PRKCB: variants seen among roughly 807,000 people sequenced by gnomAD.
PRKCB encodes protein kinase C beta.
In PRKCB, 13 loss-of-function variants were observed where a neutral mutation model predicts 81.5. The ratio of observed to expected loss-of-function variants is 0.16; its 90% CI spans 0.10 to 0.25. The LOEUF is 0.25. PRKCB is among the 10% of genes least tolerant of loss of function. The pLI, the probability that PRKCB is intolerant of heterozygous loss-of-function variation, is 1.00. For synonymous variants in PRKCB, 335 were observed against 321.4 expected, an observed-to-expected ratio of 1.04 and a Z score of -0.45; for missense variants, 509 against 875.7, an observed-to-expected ratio of 0.58 and a Z score of 5.29.
chr16:23,887,496 G>A (rs1316658515), intron 2 of PRKCB, among the ~76,000 whole-genome samples: 3 of 152,170 alleles, frequency 2.0e-5, no homozygotes, highest in African/African-American at 7.2e-5. Flanking sequence ...ATGGCCTTCA[G>A]CTGCATCCAT....
intron 2 of PRKCB, among the ~76,000 whole-genome samples, chr16:23,911,720 C>T (rs1210012254): frequency 6.6e-6 from 1 of 152,048 alleles, no homozygotes; most frequent in Non-Finnish European, 1.5e-5. Context: ...TGCCTCTGTT[C>T]CCAGGAGCCT....
At chr16:23,915,674 A>T (rs1963725833) in intron 2 of PRKCB, among the ~76,000 whole-genome samples, 1 of 116,222 alleles carries the variant, frequency 8.6e-6, no homozygotes, top group African/African-American at 3.3e-5. Context: ...CCTGGGCAAG[A>T]GTGAGACTCT....
intron 2 of PRKCB, among the ~76,000 whole-genome samples, chr16:23,918,171 G>A (rs1963771077): frequency 1.3e-5 from 2 of 152,102 alleles, no homozygotes. Context: ...TTGGAGGGAT[G>A]GGAGGGAGCC....
chr16:23,853,592 G>A (rs1187031973), intron 2 of PRKCB, among the ~76,000 whole-genome samples: 1 of 152,162 alleles, frequency 6.6e-6, no homozygotes, highest in Non-Finnish European at 1.5e-5. Context: ...AATTTCCTTT[G>A]TCTTTCTTTG....
intron 9 of PRKCB, among the ~76,000 whole-genome samples, chr16:24,138,015 A>C (rs1217880894): frequency 6.6e-6 from 1 of 152,156 alleles, no homozygotes; most frequent in Non-Finnish European, 1.5e-5. Flanking sequence ...AATCTTCACC[A>C]TGGGTCTTGT....
At chr16:24,052,713 A>G (rs1476079770) in intron 5 of PRKCB, among the ~76,000 whole-genome samples, 1 of 152,208 alleles carries the variant, frequency 6.6e-6, no homozygotes, top group Non-Finnish European at 1.5e-5. Context: ...TTACTGTATA[A>G]TGAGCAGCAA....
intron 5 of PRKCB, among the ~76,000 whole-genome samples, chr16:24,049,087 C>CAGAT (rs1201565221): frequency 2.3e-5 from 2 of 88,184 alleles, no homozygotes; most frequent in African/African-American, 9.3e-5. Context: ...TGCAGAAAGA[C>CAGAT]AGATTTCACT....
At chr16:23,860,623 C>T (rs1293748210) in intron 2 of PRKCB, among the ~76,000 whole-genome samples, 1 of 151,994 alleles carries the variant, frequency 6.6e-6, no homozygotes, top group African/African-American at 2.4e-5. Context: ...TGGTGGCTCA[C>T]ACCTGTAATC....
At chr16:23,911,073 C>G (rs934056217) in intron 2 of PRKCB, among the ~76,000 whole-genome samples, 7 of 142,478 alleles carry the variant, frequency 4.9e-5, no homozygotes, top group African/African-American at 1.9e-4. Flanking sequence ...AATTAGTGAG[C>G]ATTTGAGTTG....
chr16:24,075,045 AGAGGTT>A (rs1273495483), intron 5 of PRKCB, among the ~76,000 whole-genome samples: 2 of 151,892 alleles, frequency 1.3e-5, no homozygotes. Context: ...CATGAGCCCA[AGAGGTT>A]GAGACTACAG....
At chr16:23,986,845 T>A (rs1314213777) in intron 2 of PRKCB, among the ~76,000 whole-genome samples, 1 of 152,140 alleles carries the variant, frequency 6.6e-6, no homozygotes, top group East Asian at 1.9e-4. Flanking sequence ...CCCATCATGA[T>A]CAATTTCTTT....
At chr16:24,068,569 G>A (rs1966069782) in intron 5 of PRKCB, among the ~76,000 whole-genome samples, 1 of 151,128 alleles carries the variant, frequency 6.6e-6, no homozygotes, top group Non-Finnish European at 1.5e-5. Context: ...TTTTTTATCT[G>A]GCTTTTATAG....
intron 8 of PRKCB, among the ~76,000 whole-genome samples, chr16:24,122,661 T>A (rs1966813897): frequency 6.6e-6 from 1 of 152,170 alleles, no homozygotes; most frequent in African/African-American, 2.4e-5. Flanking sequence ...GGTCTTGTTA[T>A]GTTGCCCAGG....
At chr16:24,067,604 T>C (rs1966053224) in intron 5 of PRKCB, among the ~76,000 whole-genome samples, 1 of 152,210 alleles carries the variant, frequency 6.6e-6, no homozygotes, top group East Asian at 1.9e-4. Context: ...TAGGTGTTTT[T>C]TGCTTCTGGT....
chr16:23,842,950 G>A (rs1962292767), intron 2 of PRKCB, among the ~76,000 whole-genome samples: 1 of 152,068 alleles, frequency 6.6e-6, no homozygotes, highest in Non-Finnish European at 1.5e-5. Context: ...TTCCCATGTA[G>A]ATTAGAAAAC....
intron 7 of PRKCB, among the ~76,000 whole-genome samples, chr16:24,105,205 G>A (rs974890440): frequency 2.6e-5 from 4 of 151,884 alleles, no homozygotes; most frequent in East Asian, 1.9e-4. Context: ...TACAGGCATG[G>A]GCCACCACAC....
At chr16:24,167,471 G>A (rs1363612800) in intron 10 of PRKCB, among the ~76,000 whole-genome samples, 1 of 152,008 alleles carries the variant, frequency 6.6e-6, no homozygotes, top group Non-Finnish European at 1.5e-5. Context: ...GAGACAGGAG[G>A]ATTACTTGAG....
intron 3 of PRKCB, among the ~76,000 whole-genome samples, chr16:24,004,413 C>G (rs918856178): frequency 1.4e-5 from 2 of 146,904 alleles, no homozygotes; most frequent in African/African-American, 5.1e-5. Flanking sequence ...GCAGATGTCC[C>G]AGCAGATCAC....
At chr16:24,202,750 T>C (rs1242163675) in intron 16 of PRKCB, among the ~76,000 whole-genome samples, 2 of 152,222 alleles carry the variant, frequency 1.3e-5, no homozygotes, top group East Asian at 3.9e-4. Flanking sequence ...GATTGTTTCT[T>C]ATCTGCTTAT....
Sources: allele counts gnomAD v4.1 joint callset (sites outside exome capture counted in the v4.1 genomes callset), GRCh38; gene constraint gnomAD v4.1.1; transcripts MANE v1.5; gene names NCBI Gene and HGNC (gene_info 2026-07-23, HGNC 2026-07-21).